Variants in TNKS observed in about 807,000 individuals in gnomAD.
TNKS encodes tankyrase.
A neutral mutation model predicts 135.8 loss-of-function variants in TNKS; 72 were observed. The observed-to-expected ratio is 0.53, with a 90% CI of 0.44 to 0.64. The LOEUF is 0.64. TNKS is among the 30% of genes least tolerant of loss of function. The probability of loss-of-function intolerance (pLI) is 0.00; values close to 1 mark genes in which losing one functional copy is unlikely to be tolerated. For missense variants in TNKS, 1,769 were observed against 1,674.0 expected, an observed-to-expected ratio of 1.06 and a Z score of -0.99; for synonymous variants, 849 against 649.3, an observed-to-expected ratio of 1.31 and a Z score of -4.68.
intron 3 of TNKS, among the ~76,000 whole-genome samples, chr8:9,619,306 G>C (rs1029267575): frequency 6.6e-6 from 1 of 152,190 alleles, no homozygotes; most frequent in African/African-American, 2.4e-5. Context: ...CTAGAAAGTA[G>C]GGTCTTTGTT....
At chr8:9,563,392 C>T (rs13272099) in intron 1 of TNKS, among the ~76,000 whole-genome samples, 1 of 151,892 alleles carries the variant, frequency 6.6e-6, no homozygotes, top group Non-Finnish European at 1.5e-5. Flanking sequence ...ATATTTTAGG[C>T]TTTGTAGCCA....
intron 4 of TNKS, among the ~76,000 whole-genome samples, chr8:9,680,311 G>A (rs970636164): frequency 2.6e-5 from 4 of 152,176 alleles, no homozygotes; most frequent in African/African-American, 4.8e-5. Flanking sequence ...AGCAAAGCTT[G>A]AATGAAGAGC....
intron 2 of TNKS, among the ~76,000 whole-genome samples, chr8:9,608,431 C>T (rs868361163): frequency 4.6e-5 from 7 of 151,602 alleles, no homozygotes; most frequent in African/African-American, 1.2e-4. Flanking sequence ...GTTAACAAGG[C>T]GATTTTTTTT....
At position 9,584,370 on chromosome 8, in the gene TNKS, C is replaced by T. The variant is rs554476268; in HGVS notation, c.898+3987C>T. Among the ~76,000 whole-genome samples, 28 of 152,116 alleles carry T rather than the reference C, an allele frequency of 1.8e-4. No individual in the cohort carries two copies. The East Asian group carries it at 4.8e-3, about 26-fold the overall frequency. On this transcript the variant is annotated intron_variant, in intron 2 of 26. Coordinates refer to ENST00000310430, the MANE Select transcript of TNKS (RefSeq NM_003747.3). ...CAGTCAGGGATTGTCTTGGTTTGTC[C>T]AGTCATGCACTTCATTTTGTAAATG...
intron 3 of TNKS, among the ~76,000 whole-genome samples, chr8:9,657,717 T>A (rs1312552540): frequency 3.4e-5 from 3 of 89,444 alleles, no homozygotes; most frequent in Non-Finnish European, 4.5e-5. Context: ...CACTTCCCAG[T>A]AGGGGCGGCC....
intron 2 of TNKS, among the ~76,000 whole-genome samples, chr8:9,584,215 A>AT (rs1368747001): frequency 6.8e-6 from 1 of 147,838 alleles, no homozygotes; most frequent in South Asian, 2.1e-4. Flanking sequence ...GATATTTGTG[A>AT]TTTTTTTCAT....
At chr8:9,604,178 T>A (rs562587075) in intron 2 of TNKS, among the ~76,000 whole-genome samples, 1 of 152,270 alleles carries the variant, frequency 6.6e-6, no homozygotes, top group East Asian at 1.9e-4. Flanking sequence ...ATTACCTCAG[T>A]GTAGATATAT....
chr8:9,649,451 A>G (rs1361281572), intron 3 of TNKS, among the ~76,000 whole-genome samples: 1 of 152,248 alleles, frequency 6.6e-6, no homozygotes, highest in Non-Finnish European at 1.5e-5. Flanking sequence ...GAAGAAATGA[A>G]TAATAACTAA....
chr8:9,615,357 G>T, intron 2 of TNKS: 1 of 351,626 alleles, frequency 2.8e-6, no homozygotes, highest in South Asian at 6.4e-5. Flanking sequence ...TCATGTTTAT[G>T]ATGTTAAGTC....
intron 3 of TNKS, among the ~76,000 whole-genome samples, chr8:9,653,495 C>A (rs1312995048): frequency 6.6e-6 from 1 of 151,992 alleles, no homozygotes; most frequent in East Asian, 2.0e-4. Context: ...GGGCCTCGTA[C>A]TGGGTCTTAA....
chr8:9,628,958 A>AT (rs1288569064), intron 3 of TNKS, among the ~76,000 whole-genome samples: 1 of 152,222 alleles, frequency 6.6e-6, no homozygotes, highest in East Asian at 1.9e-4. Flanking sequence ...GTCGGACTTT[A>AT]TTCTTCTCTT....
intron 2 of TNKS, among the ~76,000 whole-genome samples, chr8:9,604,696 G>A (rs1225610158): frequency 6.6e-6 from 1 of 151,814 alleles, no homozygotes; most frequent in Admixed American, 6.6e-5. Flanking sequence ...GTAGATTGGG[G>A]TCTTCTATTA....
At chr8:9,574,925 T>G (rs1797887537) in intron 1 of TNKS, 1 of 555,970 alleles carries the variant, frequency 1.8e-6, no homozygotes, top group Admixed American at 6.4e-5. Flanking sequence ...GATATGAGGC[T>G]TAGAAATATA....
intron 3 of TNKS, among the ~76,000 whole-genome samples, chr8:9,657,768 CG>C (rs1801475028): frequency 7.0e-6 from 1 of 142,622 alleles, no homozygotes; most frequent in African/African-American, 2.6e-5. Context: ...GGCGGCTGGC[CG>C]GGCAGGGGGC....
At chr8:9,749,082 C>G (rs1806386207) in intron 18 of TNKS, among the ~76,000 whole-genome samples, 1 of 152,194 alleles carries the variant, frequency 6.6e-6, no homozygotes. Context: ...AAGCCTGGAA[C>G]TGACATGCTG....
chr8:9,716,654 C>T (rs1804613963), intron 11 of TNKS, among the ~76,000 whole-genome samples: 1 of 152,058 alleles, frequency 6.6e-6, no homozygotes, highest in African/African-American at 2.4e-5. Context: ...TTCTCTATGT[C>T]TCTGCCTCCC....
intron 12 of TNKS, among the ~76,000 whole-genome samples, chr8:9,721,760 A>T (rs542091698): frequency 2.6e-5 from 4 of 152,180 alleles, no homozygotes; most frequent in African/African-American, 9.6e-5. Flanking sequence ...TCTATATAAA[A>T]CGCCCTAACT....
chr8:9,577,168 G>C (rs1367262687), intron 1 of TNKS, among the ~76,000 whole-genome samples: 1 of 151,800 alleles, frequency 6.6e-6, no homozygotes, highest in Non-Finnish European at 1.5e-5. Flanking sequence ...ATGGTCACGA[G>C]GATTTTGGTT....
chr8:9,606,778 C>T (rs373416423), intron 2 of TNKS, among the ~76,000 whole-genome samples: 7 of 152,000 alleles, frequency 4.6e-5, no homozygotes, highest in Non-Finnish European at 5.9e-5. Context: ...ACATGGTAGT[C>T]ACTCTGTGAT....
Sources: gnomAD v4.1 joint callset for allele counts (sites outside exome capture counted in the v4.1 genomes callset) on GRCh38, gnomAD v4.1.1 for gene constraint, MANE v1.5 for transcripts, NCBI Gene and HGNC (gene_info 2026-07-23, HGNC 2026-07-21) for gene names.